SHTN1: variants seen among roughly 807,000 people sequenced by gnomAD.
SHTN1 encodes the protein shootin-1.
In SHTN1, 42 loss-of-function variants were observed where a neutral mutation model predicts 83.1. The observed-to-expected ratio is 0.51, with a 90% CI of 0.39 to 0.65. The LOEUF is 0.65. Among genes scored for constraint, SHTN1 ranks in the 30% least tolerant of loss-of-function variants. The pLI is 0.00. For synonymous variants in SHTN1, 224 were observed against 247.7 expected (o/e 0.90, Z 0.90); for missense variants, 622 against 737.8 (o/e 0.84, Z 1.82).
chr10:117,021,365 A>T (rs1239513962), intron 2 of SHTN1, among the ~76,000 whole-genome samples: 1 of 152,156 alleles, frequency 6.6e-6, no homozygotes, highest in East Asian at 1.9e-4. Context: ...AGATCATGCC[A>T]CTGCACTCCA....
At chr10:117,076,249 T>C (rs146138756) in intron 1 of SHTN1, among the ~76,000 whole-genome samples, 134 of 151,794 alleles carry the variant, frequency 8.8e-4, no homozygotes, top group African/African-American at 3.0e-3. Context: ...TTGAACAAGA[T>C]TGATGGCAGA....
chr10:117,103,333 T>C (rs1009577496), intron 1 of SHTN1, among the ~76,000 whole-genome samples: 1 of 151,748 alleles, frequency 6.6e-6, no homozygotes, highest in Non-Finnish European at 1.5e-5. Context: ...TCAAGTGATC[T>C]GCCCGCCTCA....
Position 116,886,201 on chromosome 10 carries a change from T to G in SHTN1, c.*143A>C. On this transcript the variant is annotated 3_prime_UTR_variant, in exon 17 of 17. Transcript: ENST00000355371. ...GCTTACTTATGTTTATAGTTGCTAC[T>G]TACAAAAGTGACACCAGAAAAGAAC... 1 of 1,178,414 alleles carries G rather than the reference T, an allele frequency of 8.5e-7. No homozygotes were observed. The highest frequency in any genetic ancestry group is 1.2e-6 in the Non-Finnish European group (1 of 853,788). 73.0% of individuals were successfully genotyped at this position (1,178,414 alleles called of 1,614,324 possible).
intron 2 of SHTN1, among the ~76,000 whole-genome samples, chr10:116,976,063 C>T (rs2133474335): frequency 6.6e-6 from 1 of 152,300 alleles, no homozygotes; most frequent in Admixed American, 6.5e-5. Context: ...ACATCGTGCT[C>T]AGAAGACCCA....
intron 1 of SHTN1, among the ~76,000 whole-genome samples, chr10:117,090,497 T>C (rs1047166531): frequency 3.3e-5 from 5 of 152,182 alleles, no homozygotes; most frequent in African/African-American, 1.2e-4. Flanking sequence ...ATAATGTGAA[T>C]ACACTTAACA....
chr10:116,990,390 A>T (rs1851386520), intron 1 of SHTN1, among the ~76,000 whole-genome samples: 1 of 151,000 alleles, frequency 6.6e-6, no homozygotes, highest in Non-Finnish European at 1.5e-5. Context: ...TTTTGCAACA[A>T]GCAAGGTTTT....
intron 1 of SHTN1, among the ~76,000 whole-genome samples, chr10:117,053,128 A>G (rs994634839): frequency 2.1e-4 from 32 of 151,756 alleles, no homozygotes; most frequent in African/African-American, 7.5e-4. Flanking sequence ...AGCCTAAACT[A>G]TAAAAGAAGT....
At chr10:117,014,628 T>C (rs1427649397) in intron 2 of SHTN1, among the ~76,000 whole-genome samples, 1 of 152,158 alleles carries the variant, frequency 6.6e-6, no homozygotes, top group African/African-American at 2.4e-5. Context: ...TTTCTCACCA[T>C]AAGAGAAAGA....
At chr10:117,008,965 A>G (rs1028971240), upstream of SHTN1, among the ~76,000 whole-genome samples, 3 of 152,154 alleles carry the variant, frequency 2.0e-5, no homozygotes, top group African/African-American at 7.2e-5. Context: ...AATATAAAAA[A>G]TAAGCTGGGC....
chr10:116,955,849 C>A (rs956426678), intron 4 of SHTN1, among the ~76,000 whole-genome samples: 1 of 152,178 alleles, frequency 6.6e-6, no homozygotes, highest in Non-Finnish European at 1.5e-5. Context: ...CAGTCCCAGT[C>A]TCCAACTCTA....
intron 1 of SHTN1, among the ~76,000 whole-genome samples, chr10:116,994,716 CTA>C (rs1851566631): frequency 6.6e-6 from 1 of 152,086 alleles, no homozygotes; most frequent in Non-Finnish European, 1.5e-5. Context: ...ATCAGAATGA[CTA>C]TTATTTCACA....
intron 2 of SHTN1, among the ~76,000 whole-genome samples, chr10:117,027,836 T>C (rs1423640863): frequency 2.0e-5 from 3 of 152,102 alleles, no homozygotes; most frequent in Admixed American, 6.6e-5. Context: ...CAGACTAATA[T>C]AGGAAGTTGG....
At chr10:117,061,020 A>C (rs1222611090) in intron 1 of SHTN1, among the ~76,000 whole-genome samples, 1 of 152,222 alleles carries the variant, frequency 6.6e-6, no homozygotes, top group East Asian at 1.9e-4. Context: ...AGAAACAACA[A>C]CACATTTTTA....
intron 1 of SHTN1, among the ~76,000 whole-genome samples, chr10:117,057,975 A>G (rs762405802): frequency 5.3e-5 from 8 of 152,214 alleles, no homozygotes; most frequent in Non-Finnish European, 1.0e-4. Context: ...CTGGATATCC[A>G]ATGCCAAAGA....
chr10:116,983,633 CAGATAGATAGATAGATAGAT>C (rs145452456), intron 1 of SHTN1, among the ~76,000 whole-genome samples: 2,469 of 142,486 alleles, frequency 0.017, 74 homozygotes, highest in African/African-American at 0.063. Flanking sequence ...CCTGGGCATC[CAGATAGATAGATAGATAGAT>C]AGATAGATAG....
chr10:117,009,113 CT>C (rs1342420366), upstream of SHTN1, among the ~76,000 whole-genome samples: 1 of 151,176 alleles, frequency 6.6e-6, no homozygotes, highest in African/African-American at 2.4e-5. Flanking sequence ...AAAATTCTGT[CT>C]CAAAAAAAAG....
chr10:117,119,179 T>C (rs7912154), intron 1 of SHTN1, among the ~76,000 whole-genome samples: 152,177 of 152,274 alleles, frequency 1, 76,040 homozygotes, highest in Middle Eastern at 1. Flanking sequence ...TTAAGAAGGA[T>C]AGGGGGAGGG....
intron 3 of SHTN1, among the ~76,000 whole-genome samples, chr10:116,961,589 G>A (rs1305831200): frequency 1.3e-5 from 2 of 152,126 alleles, no homozygotes; most frequent in African/African-American, 4.8e-5. Flanking sequence ...GGGCCTAAAA[G>A]CTGCTGATGG....
At chr10:116,953,958 A>G (rs1849883005) in intron 5 of SHTN1, 84 bp downstream of exon 5, 4 of 1,154,182 alleles carry the variant, frequency 3.5e-6, no homozygotes, top group East Asian at 2.5e-5. Flanking sequence ...AGCTTCCCAC[A>G]TGATTCTGAT....
Sources: gnomAD v4.1 joint callset for allele counts (sites outside exome capture counted in the v4.1 genomes callset) on GRCh38, gnomAD v4.1.1 for gene constraint, MANE v1.5 for transcripts, NCBI Gene and HGNC (gene_info 2026-07-23, HGNC 2026-07-21) for gene names.